CPT1A: variants seen among roughly 807,000 people sequenced by gnomAD.
The protein encoded by CPT1A is carnitine O-palmitoyltransferase 1, liver isoform.
Under a neutral mutation model 100.8 loss-of-function variants are expected in CPT1A, and 64 were observed. The ratio of observed to expected loss-of-function variants is 0.63; its 90% CI spans 0.52 to 0.78. The LOEUF is 0.78. Ranked by LOEUF, CPT1A falls within the 30% of genes least tolerant of loss-of-function variation. The pLI is 0.00. For missense variants in CPT1A, 802 were observed against 1,034.1 expected, an observed-to-expected ratio of 0.78 and a Z score of 3.08; for synonymous variants, 363 against 396.0, an observed-to-expected ratio of 0.92 and a Z score of 0.99.
intron 7 of CPT1A, among the ~76,000 whole-genome samples, chr11:68,795,595 T>C (rs916034341): frequency 6.6e-6 from 1 of 152,034 alleles, no homozygotes; most frequent in Non-Finnish European, 1.5e-5. Context: ...GAAAGGACAA[T>C]TTTGAAACGA....
At position 68,796,948 on chromosome 11, in the gene CPT1A, C is replaced by T. The variant is rs1855769864; in HGVS notation, c.694-15G>A. ...CAGTCGCTCACCTAGTGGGCGCAAA[C>T]ACCAGACAAACCCGCAGGCTCAGCA... is the stretch of plus-strand genomic sequence containing the variant. On this transcript the variant is annotated splice_polypyrimidine_tract_variant and intron_variant, in intron 6 of 18. Coordinates refer to ENST00000265641, the MANE Select transcript of CPT1A (RefSeq NM_001876.4). The T allele has an allele frequency of 1.9e-6, 3 of 1,613,600 alleles. No individual in the cohort carries two copies. Among genetic ancestry groups the T allele is most frequent in the Non-Finnish European group, 2.5e-6 (3 of 1,179,772 alleles).
At chr11:68,803,962 T>C in intron 5 of CPT1A, 38 bp downstream of exon 5, 1 of 1,489,178 alleles carries the variant, frequency 6.7e-7, no homozygotes, top group African/African-American at 1.4e-5. Flanking sequence ...AATCCACAGA[T>C]GGCTGGCATT....
rs1393691575 is a variant in CPT1A at position 68,756,123 on chromosome 11, A to AG, written c.*1520_*1521insC. 2 of 153,130 alleles carry AG rather than the reference A, an allele frequency of 1.3e-5. No individual in the cohort carries two copies. Among genetic ancestry groups the AG allele is most frequent in the East Asian group, 3.8e-4 (2 of 5,250 alleles). 9.5% of individuals were successfully genotyped at this position (153,130 alleles called of 1,614,324 possible). On this transcript the variant is annotated 3_prime_UTR_variant, in exon 19 of 19. Transcript: ENST00000265641. ...GTGAAACTCCATCTCAAAAAAAAAA[A>AG]AAAAAAAAAAGGCACGTGTTCTCCG...
At chr11:68,806,363 T>C (rs545955958) in intron 4 of CPT1A, among the ~76,000 whole-genome samples, 1 of 152,240 alleles carries the variant, frequency 6.6e-6, no homozygotes, top group African/African-American at 2.4e-5. Context: ...CCGGGTGTGA[T>C]GGCTCATGCC....
At chr11:68,764,129 A>G (rs1854718437) in intron 14 of CPT1A, among the ~76,000 whole-genome samples, 1 of 152,200 alleles carries the variant, frequency 6.6e-6, no homozygotes, top group African/African-American at 2.4e-5. Flanking sequence ...TGCTGGGAAT[A>G]GCAGATGGTG....
intron 5 of CPT1A, among the ~76,000 whole-genome samples, chr11:68,801,311 T>C (rs1240947439): frequency 6.6e-6 from 1 of 151,950 alleles, no homozygotes; most frequent in African/African-American, 2.4e-5. Context: ...TCAGCCCTGA[T>C]TTGCAAGCGT....
chr11:68,841,795 GGCAGCGGCAGCGGCA>G lies in CPT1A; in HGVS notation c.-49_-35del. ...CTCACCGAGTCAGCTACGGAGGTGC[GGCAGCGGCAGCGGCA>G]GCGGCGGCGGCGGCGGCGGCGGTGG... On this transcript the variant is annotated 5_prime_UTR_variant, in exon 1 of 19. Transcript: ENST00000265641. The surrounding 1 kb of genome is among the most constrained non-coding windows in gnomAD (Gnocchi z 6.3). The G allele has an allele frequency of 5.0e-6, 5 of 993,002 alleles. No homozygotes were observed. Among genetic ancestry groups the G allele is most frequent in the Non-Finnish European group, 6.0e-6 (5 of 836,342 alleles). 61.5% of individuals were successfully genotyped at this position (993,002 alleles called of 1,614,324 possible). A position where few individuals can be genotyped will look rare whatever the true frequency, so the allele number is the denominator to read the frequency against.
chr11:68,764,919 C>A (rs572265451), intron 14 of CPT1A, among the ~76,000 whole-genome samples: 26 of 152,360 alleles, frequency 1.7e-4, no homozygotes, highest in African/African-American at 6.3e-4. Flanking sequence ...ATCCCCCCAA[C>A]GTAGCTGGCC....
At chr11:68,814,460 C>T (rs1856322710) in intron 2 of CPT1A, among the ~76,000 whole-genome samples, 1 of 151,446 alleles carries the variant, frequency 6.6e-6, no homozygotes, top group Non-Finnish European at 1.5e-5. Flanking sequence ...GCGCCCGCCA[C>T]CACGCCCGGC....
At chr11:68,815,592 C>A (rs748900017) in intron 1 of CPT1A, 105 bp from the exon 2 acceptor site, 7 of 1,113,526 alleles carry the variant, frequency 6.3e-6, no homozygotes, top group South Asian at 1.3e-5. Context: ...TCTTCCTCGC[C>A]ACTTAACAGA....
chr11:68,824,028 C>A (rs1437064146), intron 1 of CPT1A, among the ~76,000 whole-genome samples: 2 of 151,590 alleles, frequency 1.3e-5, no homozygotes, highest in Admixed American at 1.3e-4. Context: ...GGGCAGATCA[C>A]CTGAGGTCAG....
intron 1 of CPT1A, among the ~76,000 whole-genome samples, chr11:68,825,620 A>T (rs544277778): frequency 6.6e-6 from 1 of 152,276 alleles, no homozygotes; most frequent in East Asian, 1.9e-4. Context: ...TGGTGTAAAA[A>T]GGATGAGAAA....
intron 6 of CPT1A, among the ~76,000 whole-genome samples, chr11:68,798,215 CTTCCTTTCAGCT>C (rs1326856403): frequency 6.6e-6 from 1 of 152,178 alleles, no homozygotes; most frequent in East Asian, 1.9e-4. Context: ...CCAGGGATCG[CTTCCTTTCAGCT>C]TTGTGCTGAA....
chr11:68,794,689 G>C (rs1313663024), intron 8 of CPT1A, 115 bp downstream of exon 8: 4 of 918,564 alleles, frequency 4.4e-6, no homozygotes, highest in Non-Finnish European at 6.9e-6. Context: ...AAGATTACAG[G>C]CGTGAGACCC....
chr11:68,787,979 C>T (rs972865289), intron 9 of CPT1A, among the ~76,000 whole-genome samples: 25 of 150,144 alleles, frequency 1.7e-4, no homozygotes, highest in Admixed American at 4.0e-4. Flanking sequence ...CTTTAGGACA[C>T]GCACAGAGGG....
chr11:68,802,896 CAAA>C (rs901808584), intron 5 of CPT1A, among the ~76,000 whole-genome samples: 616 of 44,918 alleles, frequency 0.014, 5 homozygotes, highest in African/African-American at 0.034. Flanking sequence ...GACCCTGTCT[CAAA>C]AAAAAAAAAA....
At position 68,841,201 on chromosome 11, in the gene CPT1A, G is replaced by A. The variant is rs1857151376; in HGVS notation, c.-14+574C>T. On this transcript the variant is annotated intron_variant, in intron 1 of 18. Transcript: ENST00000265641. This position sits in a 1 kb window ranked among gnomAD's most constrained non-coding sequence, Gnocchi z 6.3. ...TCCCTCAGCCGCACTGCACCTGCCC[G>A]TAGGTGACCAACCCACGGGCGGACC... is the stretch of plus-strand genomic sequence containing the variant. Among the ~76,000 whole-genome samples, 1 of 152,138 alleles carries A rather than the reference G, an allele frequency of 6.6e-6. No individual in the cohort carries two copies. Among genetic ancestry groups the A allele is most frequent in the Non-Finnish European group, 1.5e-5 (1 of 68,000 alleles).
chr11:68,826,542 C>T (rs1395851794), intron 1 of CPT1A, among the ~76,000 whole-genome samples: 2 of 150,946 alleles, frequency 1.3e-5, no homozygotes, highest in African/African-American at 4.9e-5. Context: ...AGACCATCGT[C>T]GCTAACACGG....
At chr11:68,816,014 G>A (rs543322157) in intron 1 of CPT1A, among the ~76,000 whole-genome samples, 53 of 142,032 alleles carry the variant, frequency 3.7e-4, no homozygotes, top group African/African-American at 1.4e-3. Flanking sequence ...GGCCCTGGAC[G>A]TCCCCCGGAA....
Sources: gnomAD v4.1 joint callset for allele counts (sites outside exome capture counted in the v4.1 genomes callset) on GRCh38, gnomAD v4.1.1 for gene constraint, Gnocchi (gnomAD v3.1) non-coding constraint, MANE v1.5 for transcripts, NCBI Gene and HGNC (gene_info 2026-07-23, HGNC 2026-07-21) for gene names.